Variants in CAST observed in about 807,000 individuals in gnomAD.
The protein encoded by CAST is calpastatin, also known as MIR583 host.
A neutral mutation model predicts 119.6 loss-of-function variants in CAST; 76 were observed. The observed-to-expected ratio is 0.64, with a 90% CI of 0.53 to 0.77. CAST has a LOEUF of 0.77. Among genes scored for constraint, CAST ranks in the 30% least tolerant of loss-of-function variants. CAST has a pLI of 0.00. For missense variants in CAST, 953 were observed against 946.5 expected, an observed-to-expected ratio of 1.01 and a Z score of -0.09; for synonymous variants, 319 against 331.6, an observed-to-expected ratio of 0.96 and a Z score of 0.41.
the CAST span, among the ~76,000 whole-genome samples, chr5:96,286,978 T>C: frequency 1.3e-5 from 2 of 152,150 alleles, no homozygotes; most frequent in African/African-American, 2.4e-5. Flanking sequence ...AAAATACTTA[T>C]GTTGAAAAGT....
the CAST span, among the ~76,000 whole-genome samples, chr5:96,106,279 T>C: frequency 1.3e-5 from 2 of 152,330 alleles, no homozygotes; most frequent in East Asian, 1.9e-4. Context: ...TGAATGTATT[T>C]GCTCTTGCTT....
chr5:96,616,773 C>T (rs916083696), intron 1 of CAST, among the ~76,000 whole-genome samples: 3,040 of 151,356 alleles, frequency 0.02, 123 homozygotes, highest in African/African-American at 0.063. Context: ...CACACACACA[C>T]ACACACACAC....
rs144403390 is a variant in CAST at position 96,758,208 on chromosome 5, G to T, written c.1833+554G>T. Among the ~76,000 whole-genome samples the T allele has an allele frequency of 3.2e-3, 483 of 152,152 alleles. 2 individuals are homozygous for T. The highest frequency in any genetic ancestry group is 0.011 in the African/African-American group (461 of 41,524). On this transcript the variant is annotated intron_variant, in intron 24 of 31. Transcript: ENST00000675179. ...CTATGAAAAGAGAATTTAAATGTAA[G>T]CTTATCCAAAATTACTCCTCAGACA...
At chr5:96,617,655 G>A (rs1747491474) in intron 1 of CAST, among the ~76,000 whole-genome samples, 1 of 151,702 alleles carries the variant, frequency 6.6e-6, no homozygotes, top group Admixed American at 6.6e-5. Flanking sequence ...AGCCAGGCAT[G>A]GTGGTGGGTG....
the CAST span, among the ~76,000 whole-genome samples, chr5:95,985,222 G>A: frequency 6.6e-6 from 1 of 152,180 alleles, no homozygotes; most frequent in Non-Finnish European, 1.5e-5. Context: ...ACGGAGGCAG[G>A]AGGATCACTT....
chr5:96,264,415 C>A, the CAST span, among the ~76,000 whole-genome samples: 1 of 152,176 alleles, frequency 6.6e-6, no homozygotes, highest in African/African-American at 2.4e-5. Flanking sequence ...TAGCCTAAAT[C>A]ACAGTATTTC....
intron 2 of CAST, among the ~76,000 whole-genome samples, chr5:96,695,055 G>C (rs892708790): frequency 1.3e-5 from 2 of 152,196 alleles, no homozygotes; most frequent in African/African-American, 4.8e-5. Context: ...ATTATGGGAT[G>C]CAGTATAGGT....
intron 1 of CAST, among the ~76,000 whole-genome samples, chr5:96,557,542 A>C (rs1441103665): frequency 6.6e-6 from 1 of 152,130 alleles, no homozygotes; most frequent in Non-Finnish European, 1.5e-5. Context: ...AACGAAAAAA[A>C]GGCAGGGGTT....
At chr5:96,192,722 G>A in the CAST span, among the ~76,000 whole-genome samples, 6 of 152,182 alleles carry the variant, frequency 3.9e-5, no homozygotes, top group Non-Finnish European at 5.9e-5. Flanking sequence ...CCAGTGGAAC[G>A]TGAGGAGTGA....
chr5:96,441,322 TC>T, the CAST span, among the ~76,000 whole-genome samples: 1 of 152,180 alleles, frequency 6.6e-6, no homozygotes, highest in East Asian at 1.9e-4. Flanking sequence ...TTTAGTGTGT[TC>T]CCCTTCCTCT....
chr5:96,321,940 A>C, the CAST span, among the ~76,000 whole-genome samples: 1 of 152,208 alleles, frequency 6.6e-6, no homozygotes, highest in African/African-American at 2.4e-5. Context: ...AAATGACACA[A>C]ACCCAACAAG....
chr5:96,603,214 A>G (rs1383814466), intron 1 of CAST, among the ~76,000 whole-genome samples: 1 of 152,258 alleles, frequency 6.6e-6, no homozygotes, highest in African/African-American at 2.4e-5. Context: ...TAATGGGAAT[A>G]TGGGAATACC....
At chr5:96,738,616 T>G (rs192168) in intron 11 of CAST, among the ~76,000 whole-genome samples, 1 of 151,980 alleles carries the variant, frequency 6.6e-6, no homozygotes, top group Non-Finnish European at 1.5e-5. Context: ...ATTCCTAAAA[T>G]TATATTTTCC....
chr5:96,029,376 A>T, the CAST span, among the ~76,000 whole-genome samples: 1 of 152,136 alleles, frequency 6.6e-6, no homozygotes, highest in African/African-American at 2.4e-5. Context: ...TTTCAACAGT[A>T]TTTTAAAACT....
At chr5:96,414,394 G>A in the CAST span, among the ~76,000 whole-genome samples, 3 of 145,120 alleles carry the variant, frequency 2.1e-5, no homozygotes, top group Non-Finnish European at 4.4e-5. Context: ...TTGAGGCCAG[G>A]AAGGGATAGT....
chr5:96,562,483 G>C (rs1475051947), intron 1 of CAST, among the ~76,000 whole-genome samples: 1 of 152,128 alleles, frequency 6.6e-6, no homozygotes, highest in Non-Finnish European at 1.5e-5. Flanking sequence ...ATAATACATT[G>C]TGATAGTAAG....
At chr5:96,350,443 G>T in the CAST span, among the ~76,000 whole-genome samples, 3 of 152,094 alleles carry the variant, frequency 2.0e-5, no homozygotes, top group South Asian at 6.2e-4. Flanking sequence ...TCTGTCCTTT[G>T]TCCCCCACCT....
the CAST span, among the ~76,000 whole-genome samples, chr5:96,438,312 T>G: frequency 6.6e-6 from 1 of 152,236 alleles, no homozygotes; most frequent in African/African-American, 2.4e-5. Context: ...GGGGTTTACA[T>G]CTGGTGTAAC....
chr5:96,481,630 C>T, the CAST span, among the ~76,000 whole-genome samples: 2 of 152,182 alleles, frequency 1.3e-5, no homozygotes, highest in Non-Finnish European at 2.9e-5. Flanking sequence ...CATCTTTTCT[C>T]ATGAGAAAAT....
Sources: allele counts gnomAD v4.1 joint callset (sites outside exome capture counted in the v4.1 genomes callset), GRCh38; gene constraint gnomAD v4.1.1; transcripts MANE v1.5; gene names NCBI Gene and HGNC (gene_info 2026-07-23, HGNC 2026-07-21).